The following CARS2 variants were observed in gnomAD, a reference collection of about 807,000 sequenced individuals.
CARS2 encodes cysteinyl-tRNA synthetase 2, mitochondrial.
A neutral mutation model predicts 68.8 loss-of-function variants in CARS2; 52 were observed. The observed-to-expected ratio is 0.76, with a 90% CI of 0.61 to 0.95. The LOEUF is 0.95. Among genes scored for constraint, CARS2 ranks in the 40% least tolerant of loss-of-function variants. CARS2 has a pLI of 0.00. For missense variants in CARS2, 780 were observed against 754.2 expected (o/e 1.03, Z -0.40); for synonymous variants, 314 against 303.6 (o/e 1.03, Z -0.36).
chr13:110,641,733 G>A (rs1264809404), intron 14 of CARS2, 125 bp from the exon 15 acceptor site: 3 of 799,254 alleles, frequency 3.8e-6, no homozygotes, highest in African/African-American at 1.7e-5. Flanking sequence ...AGCTTGCCAG[G>A]CGCTTAGAAA....
chr13:110,690,774 C>T (rs965318432), intron 3 of CARS2, among the ~76,000 whole-genome samples: 5 of 152,232 alleles, frequency 3.3e-5, no homozygotes, highest in East Asian at 1.9e-4. Flanking sequence ...CAGCTACACC[C>T]GACCAGCAAC....
chr13:110,701,678 C>A, intron 2 of CARS2, 123 bp from the exon 3 acceptor site: 1 of 618,716 alleles, frequency 1.6e-6, no homozygotes, highest in Non-Finnish European at 2.9e-6. Context: ...ATGGACAGGT[C>A]AGCGGAGCAG....
intron 13 of CARS2, chr13:110,643,480 C>T (rs909205898): frequency 8.5e-5 from 13 of 153,350 alleles, no homozygotes; most frequent in Non-Finnish European, 1.7e-4. Context: ...TGAGAGCCAG[C>T]GAGACATGTT....
Position 110,665,733 on chromosome 13 carries a change from CG to C in CARS2, c.919+1606del. The C allele has an allele frequency of 2.0e-6, 2 of 985,362 alleles. No individual in the cohort carries two copies. Among genetic ancestry groups the C allele is most frequent in the Non-Finnish European group, 2.4e-6 (2 of 829,914 alleles). 61.0% of individuals were successfully genotyped at this position (985,362 alleles called of 1,614,324 possible). ...AGGGAGCGCTGAACTGAGCCCTGAA[CG>C]AAGTCAACGAGGAAGTGACTTCGGG... is the stretch of plus-strand genomic sequence containing the variant. On this transcript the variant is annotated intron_variant, in intron 8 of 14. Transcript: ENST00000257347. This position sits in a 1 kb window ranked among gnomAD's most constrained non-coding sequence, Gnocchi z 4.3.
intron 3 of CARS2, among the ~76,000 whole-genome samples, chr13:110,697,553 G>A (rs183688687): frequency 1.2e-4 from 19 of 152,248 alleles, no homozygotes; most frequent in Admixed American, 2.0e-4. Flanking sequence ...AGTACTTCTC[G>A]TGTCTCAGCC....
intron 3 of CARS2, among the ~76,000 whole-genome samples, chr13:110,693,560 C>T (rs2063537070): frequency 1.3e-5 from 2 of 151,998 alleles, no homozygotes; most frequent in Admixed American, 6.6e-5. Flanking sequence ...GGGGTTTTAC[C>T]GTGTTAGCCA....
At chr13:110,679,386 C>T (rs1046872871) in intron 6 of CARS2, among the ~76,000 whole-genome samples, 6 of 151,406 alleles carry the variant, frequency 4.0e-5, no homozygotes, top group East Asian at 3.9e-4. Context: ...AAAAATCAGC[C>T]GGGTGTGGTG....
chr13:110,660,865 G>A (rs938004709), intron 9 of CARS2, among the ~76,000 whole-genome samples: 7 of 150,660 alleles, frequency 4.6e-5, no homozygotes, highest in African/African-American at 9.8e-5. Context: ...AGGTTCAAGT[G>A]ATTCTCCTGC....
At position 110,645,591 on chromosome 13, in the gene CARS2, T is replaced by C. The variant is rs561303649; in HGVS notation, c.1317+376A>G. 11 of 167,968 alleles carry C rather than the reference T, an allele frequency of 6.5e-5. No homozygotes were observed. The South Asian group carries it at 1.7e-3, about 26-fold the overall frequency. The allele number at this position is 167,968 out of a possible 1,614,324, so 10.4% of individuals were successfully genotyped here. A position where few individuals can be genotyped will look rare whatever the true frequency, so the allele number is the denominator to read the frequency against. On this transcript the variant is annotated intron_variant, in intron 12 of 14. Coordinates refer to ENST00000257347, the MANE Select transcript of CARS2 (RefSeq NM_024537.4). ...TGTGGTCATCACACTGGGGTGCAGA[T>C]TGCATAACAGTGCCTTGGGGTAAAT...
At chr13:110,713,101 G>C in intron 1 of CARS2, 1 of 1,439,046 alleles carries the variant, frequency 6.9e-7, no homozygotes, top group South Asian at 1.4e-5. Context: ...GAGGACTTGG[G>C]TTTCTAGTAG....
At chr13:110,684,304 G>C (rs2139843955) in intron 5 of CARS2, among the ~76,000 whole-genome samples, 1 of 152,198 alleles carries the variant, frequency 6.6e-6, no homozygotes, top group African/African-American at 2.4e-5. Context: ...TACTAATGCA[G>C]TTACTGATTT....
chr13:110,697,938 A>G (rs1407299604), intron 3 of CARS2: 2 of 455,232 alleles, frequency 4.4e-6, no homozygotes, highest in African/African-American at 2.0e-5. Flanking sequence ...ATGTTCCTCA[A>G]GGACCTCACA....
At position 110,682,972 on chromosome 13, in the gene CARS2, C is replaced by T. The variant is rs61971611; in HGVS notation, c.655+79G>A. 101,260 of 918,978 alleles carry T rather than the reference C, an allele frequency of 0.11. 6,131 individuals carry two copies. Among genetic ancestry groups the T allele is most frequent in the Middle Eastern group, 0.16 (469 of 2,920 alleles). 56.9% of individuals were successfully genotyped at this position (918,978 alleles called of 1,614,324 possible). On this transcript the variant is annotated intron_variant, in intron 6 of 14. Coordinates refer to ENST00000257347, the MANE Select transcript of CARS2 (RefSeq NM_024537.4). ...GTGTCTGAGCAAGTGGAGGGGTCTG[C>T]GCTCCAGATCTCATCTCCCCAGAGC...
rs374641891 is a variant in CARS2, at chr13:110,642,474, G to C, written c.1464C>G (p.Asp488Glu). Residue 488 changes from aspartate (D) to glutamate (E), a missense_variant, in exon 14 of 15, where the codon GAC (aspartate) becomes GAG (glutamate). Physicochemically the swap from Asp to Glu is conservative, Grantham distance 45. Coordinates refer to ENST00000257347, the MANE Select transcript of CARS2 (RefSeq NM_024537.4). ...GSEATLHGVVDELVRFRQKVR... is the reference protein window; with the variant it reads ...GSEATLHGVVEELVRFRQKVR... ...CCTTCTGCCGGAACCGCACCAGCTC[G>C]TCCACCACACCATGCAAGGTAGCCT... 6.2e-7 allele frequency: 1 copy of C among 1,610,036 alleles called. No individual in the cohort carries two copies. Among genetic ancestry groups the C allele is most frequent in the Admixed American group, 1.7e-5 (1 of 59,744 alleles).
intron 9 of CARS2, among the ~76,000 whole-genome samples, chr13:110,657,967 C>T (rs373482506): frequency 2.0e-5 from 3 of 152,194 alleles, no homozygotes; most frequent in African/African-American, 7.2e-5. Context: ...CTACCTGGAT[C>T]AAACTGACCC....
intron 2 of CARS2, among the ~76,000 whole-genome samples, chr13:110,702,994 T>C (rs2063833714): frequency 6.6e-6 from 1 of 152,156 alleles, no homozygotes; most frequent in South Asian, 2.1e-4. Flanking sequence ...CCGTCTACCA[T>C]GGCATGAAAT....
At chr13:110,699,563 G>C (rs974197291) in intron 3 of CARS2, among the ~76,000 whole-genome samples, 2 of 152,204 alleles carry the variant, frequency 1.3e-5, no homozygotes, top group East Asian at 3.8e-4. Flanking sequence ...AAAGGAAATA[G>C]CCAGTCATCC....
chr13:110,685,264 T>C (rs937489389), intron 5 of CARS2, among the ~76,000 whole-genome samples: 2 of 151,976 alleles, frequency 1.3e-5, no homozygotes, highest in African/African-American at 4.8e-5. Context: ...GAGCCAAGAT[T>C]GTGCCACTGC....
intron 3 of CARS2, among the ~76,000 whole-genome samples, chr13:110,694,998 T>C (rs2063579630): frequency 6.6e-6 from 1 of 151,932 alleles, no homozygotes; most frequent in Admixed American, 6.6e-5. Context: ...TATTAAGAAA[T>C]AATGCCAGGC....
Sources: gnomAD v4.1 joint callset for allele counts (sites outside exome capture counted in the v4.1 genomes callset) on GRCh38, gnomAD v4.1.1 for gene constraint, Gnocchi (gnomAD v3.1) non-coding constraint, MANE v1.5 for transcripts, NCBI Gene and HGNC (gene_info 2026-07-23, HGNC 2026-07-21) for gene names.